LRBA: variants seen among roughly 807,000 people sequenced by gnomAD.
LRBA encodes the protein LPS responsive beige-like anchor protein.
LRBA carries 176 observed loss-of-function variants against 330.0 expected under a neutral mutation model. That is an observed-to-expected ratio of 0.53 (90% CI 0.47 to 0.60). The LOEUF (loss-of-function observed/expected upper bound fraction) is 0.60. Ranked by LOEUF, LRBA falls within the 20% of genes least tolerant of loss-of-function variation. The probability of loss-of-function intolerance (pLI) is 0.00; values close to 1 mark genes in which losing one functional copy is unlikely to be tolerated. For synonymous variants in LRBA, 1,230 were observed against 1,193.0 expected, an observed-to-expected ratio of 1.03 and a Z score of -0.64; for missense variants, 3,259 against 3,444.8, an observed-to-expected ratio of 0.95 and a Z score of 1.35.
chr4:150,747,762 C>A (rs2126355019), intron 35 of LRBA, among the ~76,000 whole-genome samples: 1 of 152,296 alleles, frequency 6.6e-6, no homozygotes, highest in Middle Eastern at 3.4e-3. Flanking sequence ...GCACTACCTA[C>A]AAATCTTGTA....
At chr4:150,864,644 C>CTTA (rs768891285) in intron 22 of LRBA, among the ~76,000 whole-genome samples, 1 of 118,454 alleles carries the variant, frequency 8.4e-6, no homozygotes, top group African/African-American at 3.1e-5. Context: ...GGCCCACGTT[C>CTTA]TTTTTTTTTT....
At chr4:150,465,468 T>G (rs571152962) in intron 44 of LRBA, among the ~76,000 whole-genome samples, 4 of 152,260 alleles carry the variant, frequency 2.6e-5, no homozygotes, top group African/African-American at 9.6e-5. Context: ...TATCATACTT[T>G]CGCACCAGCA....
Position 150,915,664 on chromosome 4 carries a change from C to T in LRBA, c.958G>A (p.Val320Met). The change falls in exon 8 of 57, where the codon GTG becomes ATG. Residue 320 changes from valine to methionine, a missense_variant. By Grantham distance (21) the Val-to-Met change is conservative (BLOSUM62 1). Transcript: ENST00000651943. ...CCATAGGAAGCCAGCTCACCATTCA[C>T]ATAACATCGAAGTTCACTATTCTTC... ...RWKNSELRCY[V>M]NGELASYGEI... The T allele has an allele frequency of 6.2e-7, 1 of 1,612,690 alleles. No homozygotes were observed. The highest frequency in any genetic ancestry group is 8.5e-7 in the Non-Finnish European group (1 of 1,178,952).
chr4:150,572,096 T>C (rs956489178), intron 40 of LRBA, among the ~76,000 whole-genome samples: 1 of 152,056 alleles, frequency 6.6e-6, no homozygotes, highest in African/African-American at 2.4e-5. Context: ...TGAGCATAAA[T>C]TGTATCTTTT....
chr4:150,913,413 G>A (rs1173370833), intron 9 of LRBA, among the ~76,000 whole-genome samples: 3 of 152,156 alleles, frequency 2.0e-5, no homozygotes, highest in African/African-American at 4.8e-5. Context: ...GTTGCAATGA[G>A]CCAAGATCAT....
intron 48 of LRBA, among the ~76,000 whole-genome samples, chr4:150,334,869 A>G (rs1451697687): frequency 1.1e-4 from 15 of 135,908 alleles, no homozygotes; most frequent in African/African-American, 4.2e-4. Flanking sequence ...TCGCTCTGTC[A>G]CCCAGGCTGG....
chr4:150,645,188 A>G (rs1779011788), intron 37 of LRBA, among the ~76,000 whole-genome samples: 1 of 147,160 alleles, frequency 6.8e-6, no homozygotes. Flanking sequence ...ATTTTCCGCT[A>G]AGGGCATAGA....
chr4:150,806,502 A>C, intron 32 of LRBA, 98 bp from the exon 33 acceptor site: 1 of 656,866 alleles, frequency 1.5e-6, no homozygotes, highest in Non-Finnish European at 2.2e-6. Context: ...ATATATAATT[A>C]TTTAAAAAAA....
At chr4:150,920,979 G>A (rs1733190774) in intron 5 of LRBA, among the ~76,000 whole-genome samples, 1 of 152,168 alleles carries the variant, frequency 6.6e-6, no homozygotes, top group Non-Finnish European at 1.5e-5. Context: ...GCTGACCCAA[G>A]CTGTGACTGG....
At chr4:150,603,666 AT>A (rs1300942774) in intron 37 of LRBA, among the ~76,000 whole-genome samples, 1 of 151,814 alleles carries the variant, frequency 6.6e-6, no homozygotes, top group African/African-American at 2.4e-5. Context: ...AATCTGGCTA[AT>A]TTTTTTTATT....
At chr4:150,551,841 C>T (rs185420967) in intron 40 of LRBA, among the ~76,000 whole-genome samples, 20 of 152,162 alleles carry the variant, frequency 1.3e-4, no homozygotes, top group Non-Finnish European at 2.2e-4. Flanking sequence ...TACACACACA[C>T]GGATATACAT....
intron 47 of LRBA, among the ~76,000 whole-genome samples, chr4:150,350,513 T>C (rs1038827584): frequency 6.7e-6 from 1 of 148,170 alleles, no homozygotes; most frequent in Non-Finnish European, 1.5e-5. Context: ...GAGGTTGCAG[T>C]GAACCGAGAT....
intron 20 of LRBA, among the ~76,000 whole-genome samples, chr4:150,869,277 T>C (rs1478671831): frequency 6.6e-6 from 1 of 152,122 alleles, no homozygotes; most frequent in African/African-American, 2.4e-5. Context: ...AAAGTAAAAT[T>C]AGACACAAAA....
intron 44 of LRBA, among the ~76,000 whole-genome samples, chr4:150,458,755 T>C (rs1754392021): frequency 1.3e-5 from 2 of 151,438 alleles, no homozygotes; most frequent in Non-Finnish European, 3.0e-5. Flanking sequence ...AATGCAATAG[T>C]TTCCCTTTAT....
intron 36 of LRBA, among the ~76,000 whole-genome samples, chr4:150,690,913 T>G (rs921424445): frequency 2.0e-5 from 3 of 146,948 alleles, no homozygotes; most frequent in Non-Finnish European, 3.0e-5. Flanking sequence ...TTATCAAAAT[T>G]TAAAACACCT....
At chr4:150,523,711 T>C (rs1373642283) in intron 40 of LRBA, among the ~76,000 whole-genome samples, 4 of 152,168 alleles carry the variant, frequency 2.6e-5, no homozygotes, top group South Asian at 2.1e-4. Context: ...CTTCGCATAC[T>C]CTTTTCTATG....
At chr4:150,872,637 T>A in intron 18 of LRBA, 26 bp downstream of exon 18, 2 of 1,404,972 alleles carry the variant, frequency 1.4e-6, no homozygotes, top group South Asian at 1.2e-5. Context: ...AATACAACAG[T>A]CCATCTTAGA....
chr4:150,807,247 GAA>G, intron 32 of LRBA, among the ~76,000 whole-genome samples: 2 of 151,914 alleles, frequency 1.3e-5, no homozygotes, highest in Admixed American at 6.6e-5. Context: ...ATACTACCAA[GAA>G]GACAGTTGCT....
At chr4:150,665,265 T>C (rs547186011) in intron 37 of LRBA, among the ~76,000 whole-genome samples, 6 of 152,354 alleles carry the variant, frequency 3.9e-5, no homozygotes, top group Non-Finnish European at 7.3e-5. Context: ...TAGTACATGC[T>C]GTAATTCTAG....
Sources: gnomAD v4.1 joint callset for allele counts (sites outside exome capture counted in the v4.1 genomes callset) on GRCh38, gnomAD v4.1.1 for gene constraint, MANE v1.5 for transcripts, NCBI Gene and HGNC (gene_info 2026-07-23, HGNC 2026-07-21) for gene names.